The following TRABD2B variants were observed in gnomAD, a reference collection of about 807,000 sequenced individuals.
The protein encoded by TRABD2B is metalloprotease TIKI2.
TRABD2B carries 14 observed loss-of-function variants against 40.1 expected under a neutral mutation model. The ratio of observed to expected loss-of-function variants is 0.35; its 90% CI spans 0.23 to 0.55. TRABD2B has a LOEUF of 0.55. Among genes scored for constraint, TRABD2B ranks in the 20% least tolerant of loss-of-function variants. The pLI is 0.90. For synonymous variants in TRABD2B, 263 were observed against 277.0 expected (o/e 0.95, Z 0.50); for missense variants, 541 against 648.6 (o/e 0.83, Z 1.80).
intron 2 of TRABD2B, among the ~76,000 whole-genome samples, chr1:47,900,377 C>T (rs1339646915): frequency 6.6e-6 from 1 of 152,176 alleles, no homozygotes; most frequent in Non-Finnish European, 1.5e-5. Flanking sequence ...GTGCCACCTG[C>T]CAGGCACTCT....
intron 2 of TRABD2B, among the ~76,000 whole-genome samples, chr1:47,901,867 A>C (rs1047152996): frequency 1.3e-5 from 2 of 152,130 alleles, no homozygotes; most frequent in Admixed American, 1.3e-4. Context: ...CTCCTTGAGC[A>C]ATCAGAGAAG....
At chr1:47,857,169 A>G (rs1643901000) in intron 2 of TRABD2B, among the ~76,000 whole-genome samples, 1 of 152,184 alleles carries the variant, frequency 6.6e-6, no homozygotes. Context: ...CCAAGTGGGC[A>G]GTCTTGGTGC....
chr1:47,887,722 A>G (rs1404927726), intron 2 of TRABD2B, among the ~76,000 whole-genome samples: 1 of 152,152 alleles, frequency 6.6e-6, no homozygotes, highest in East Asian at 1.9e-4. Context: ...GCTTCCTATT[A>G]GCGCTGAAGA....
Position 47,963,928 on chromosome 1 carries a change from G to T in TRABD2B, c.666+30106C>A, listed in dbSNP as rs183557259. On this transcript the variant is annotated intron_variant, in intron 2 of 6. Transcript: ENST00000606738. ...ACAAACATGTGAGCAAGTGAACTTG[G>T]GCCAGGCCCAAAGGCCAGACTGAGA... Among the ~76,000 whole-genome samples the T allele has an allele frequency of 9.3e-4, 141 of 152,278 alleles. 2 individuals carry two copies. Among genetic ancestry groups the T allele is most frequent in the African/African-American group, 2.6e-3 (108 of 41,576 alleles).
chr1:47,966,385 G>A (rs1645603371), intron 2 of TRABD2B, among the ~76,000 whole-genome samples: 1 of 152,158 alleles, frequency 6.6e-6, no homozygotes, highest in African/African-American at 2.4e-5. Flanking sequence ...AGTTGTTAAG[G>A]TGAATATCTC....
chr1:47,953,370 T>C (rs935255087), intron 2 of TRABD2B, among the ~76,000 whole-genome samples: 4 of 152,222 alleles, frequency 2.6e-5, no homozygotes, highest in Admixed American at 2.6e-4. Flanking sequence ...CATGACATCA[T>C]GTCAAACATT....
rs1000621836 is a variant in TRABD2B at position 47,807,624 on chromosome 1, TTG to T, written c.667-6007_667-6006del. Among the ~76,000 whole-genome samples the T allele has an allele frequency of 1.1e-4, 17 of 151,128 alleles. 1 individual carries two copies. In the South Asian group the frequency reaches 2.3e-3, roughly 21 times the overall value. On this transcript the variant is annotated intron_variant, in intron 2 of 6. Transcript: ENST00000606738. ...TTCCTCCCTCTTTTGTTATTCATAT[TTG>T]TGTGTGTGTGTGTCTGTGTGTGTGT...
At chr1:47,879,696 T>C (rs937935319) in intron 2 of TRABD2B, among the ~76,000 whole-genome samples, 6 of 152,278 alleles carry the variant, frequency 3.9e-5, no homozygotes, top group African/African-American at 1.2e-4. Flanking sequence ...TAAATTTACA[T>C]TGAACAACTA....
intron 2 of TRABD2B, among the ~76,000 whole-genome samples, chr1:47,972,329 C>G (rs955455398): frequency 2.0e-5 from 3 of 149,796 alleles, no homozygotes; most frequent in Admixed American, 2.0e-4. Context: ...ACTCATTCAA[C>G]AACTAGTTTT....
intron 2 of TRABD2B, among the ~76,000 whole-genome samples, chr1:47,807,438 T>C (rs1351905451): frequency 6.6e-6 from 1 of 152,288 alleles, no homozygotes; most frequent in Admixed American, 6.5e-5. Flanking sequence ...CATTCAACAA[T>C]GAAGGCTTGG....
chr1:47,906,456 C>T (rs973810268), intron 2 of TRABD2B, among the ~76,000 whole-genome samples: 8 of 152,162 alleles, frequency 5.3e-5, no homozygotes, highest in Non-Finnish European at 7.4e-5. Flanking sequence ...TTAGCCATGG[C>T]GAGATAATGC....
chr1:47,841,159 G>A (rs772607045), intron 2 of TRABD2B, among the ~76,000 whole-genome samples: 1 of 152,172 alleles, frequency 6.6e-6, no homozygotes, highest in Admixed American at 6.5e-5. Flanking sequence ...CTCTCTCTGT[G>A]ACTCTCTCTC....
At chr1:47,915,610 G>A (rs1644820394) in intron 2 of TRABD2B, among the ~76,000 whole-genome samples, 3 of 152,186 alleles carry the variant, frequency 2.0e-5, no homozygotes, top group African/African-American at 7.2e-5. Context: ...CAAAGCCGGT[G>A]ATTTAGGACA....
rs1645254139 is a variant in TRABD2B, at chr1:47,945,916, G to T, written c.666+48118C>A. ...ATTTCACTTGGTTAAATACCTGCAAGTGGGATTTCTGGATGTGGTAAGTGT... is the reference window on the plus strand; with the variant it reads ...ATTTCACTTGGTTAAATACCTGCAATTGGGATTTCTGGATGTGGTAAGTGT... On this transcript the variant is annotated intron_variant, in intron 2 of 6. Transcript: ENST00000606738. Among the ~76,000 whole-genome samples the T allele has an allele frequency of 2.0e-5, 3 of 152,234 alleles. No homozygotes were observed. In the South Asian group the frequency reaches 6.2e-4, roughly 31 times the overall value.
intron 3 of TRABD2B, 36 bp downstream of exon 3, chr1:47,801,437 A>C: frequency 9.2e-6 from 14 of 1,528,642 alleles, no homozygotes; most frequent in Non-Finnish European, 1.2e-5. Context: ...GATCTAATAA[A>C]TGCCAGGTAT....
intron 2 of TRABD2B, among the ~76,000 whole-genome samples, chr1:47,909,559 AAGGAGGAGGAGG>A (rs71056647): frequency 3.6e-3 from 417 of 117,400 alleles, no homozygotes; most frequent in East Asian, 0.028. Context: ...AAGAAGGAAG[AAGGAGGAGGAGG>A]AGGAGGAGGA....
At chr1:47,897,331 C>T (rs982366428) in intron 2 of TRABD2B, among the ~76,000 whole-genome samples, 8 of 152,114 alleles carry the variant, frequency 5.3e-5, no homozygotes, top group Admixed American at 3.3e-4. Flanking sequence ...CTGGGGGCAG[C>T]TGATCATTTT....
intron 2 of TRABD2B, among the ~76,000 whole-genome samples, chr1:47,975,748 A>G (rs536001560): frequency 2.9e-4 from 44 of 152,268 alleles, no homozygotes; most frequent in Non-Finnish European, 4.9e-4. Flanking sequence ...AGACTCTTCT[A>G]AGGGGTCAAA....
chr1:47,834,431 T>G (rs1645290857), intron 2 of TRABD2B, among the ~76,000 whole-genome samples: 2 of 152,182 alleles, frequency 1.3e-5, no homozygotes, highest in South Asian at 4.1e-4. Context: ...TGCCCAGAGC[T>G]ATGTACATGC....
Sources: gnomAD v4.1 joint callset for allele counts (sites outside exome capture counted in the v4.1 genomes callset) on GRCh38, gnomAD v4.1.1 for gene constraint, MANE v1.5 for transcripts, NCBI Gene and HGNC (gene_info 2026-07-23, HGNC 2026-07-21) for gene names.